Variants in UPK1A observed in about 807,000 individuals in gnomAD.
UPK1A encodes uroplakin-1a.
In UPK1A, 31 loss-of-function variants were observed where a neutral mutation model predicts 32.3. The observed-to-expected ratio is 0.96, with a 90% CI of 0.72 to 1.30. UPK1A has a LOEUF of 1.30. Among genes scored for constraint, UPK1A ranks in the 50% most tolerant of loss-of-function variants. The pLI, the probability that UPK1A is intolerant of heterozygous loss-of-function variation, is 0.00. For synonymous variants in UPK1A, 135 were observed against 137.1 expected, an observed-to-expected ratio of 0.98 and a Z score of 0.11; for missense variants, 340 against 357.4, an observed-to-expected ratio of 0.95 and a Z score of 0.39.
intron 2 of UPK1A, chr19:35,668,170 A>G: frequency 2.0e-6 from 1 of 502,404 alleles, no homozygotes; most frequent in Non-Finnish European, 3.6e-6. Flanking sequence ...TGGACCAAGC[A>G]TCTCCTCTGT....
intron 5 of UPK1A, among the ~76,000 whole-genome samples, chr19:35,674,607 G>A (rs951552099): frequency 6.6e-6 from 1 of 151,952 alleles, no homozygotes; most frequent in Non-Finnish European, 1.5e-5. Context: ...TTTTAGTGAT[G>A]AGGAGACCAA....
intron 5 of UPK1A, among the ~76,000 whole-genome samples, chr19:35,675,437 A>T (rs979736226): frequency 6.6e-6 from 1 of 151,604 alleles, no homozygotes; most frequent in Non-Finnish European, 1.5e-5. Context: ...GCCCACCACC[A>T]CACCCGGCAA....
exon 6 of UPK1A, chr19:35,675,943 G>C (rs774118061): frequency 3.1e-6 from 5 of 1,613,960 alleles, no homozygotes; most frequent in Non-Finnish European, 3.4e-6. Flanking sequence ...CCACTGTGCT[G>C]TCGCCGGACG....
At chr19:35,678,048 C>T (rs200728068) in exon 8 of UPK1A, 15 of 1,548,054 alleles carry the variant, frequency 9.7e-6, no homozygotes, top group African/African-American at 2.7e-5. Flanking sequence ...AACATACACA[C>T]CCCGGACTCC....
At chr19:35,670,059 G>A (rs1034653717) in intron 3 of UPK1A, among the ~76,000 whole-genome samples, 6 of 152,222 alleles carry the variant, frequency 3.9e-5, no homozygotes, top group African/African-American at 1.2e-4. Flanking sequence ...CGAGGAGGGC[G>A]AGGGAAGACC....
At chr19:35,667,304 GTTTTTTGTTT>G (rs985915416) in intron 2 of UPK1A, among the ~76,000 whole-genome samples, 28 of 136,304 alleles carry the variant, frequency 2.1e-4, no homozygotes, top group Middle Eastern at 3.7e-3. Flanking sequence ...TTGGTTTTGT[GTTTTTTGTTT>G]TGTTTTGTTT....
intron 5 of UPK1A, among the ~76,000 whole-genome samples, chr19:35,674,592 C>T (rs865963572): frequency 1.3e-5 from 2 of 151,950 alleles, no homozygotes; most frequent in Non-Finnish European, 2.9e-5. Context: ...TAAGGGAGAT[C>T]GGCCTTTTAG....
intron 6 of UPK1A, chr19:35,676,440 T>A: frequency 3.4e-6 from 1 of 292,438 alleles, no homozygotes; most frequent in South Asian, 2.7e-5. Context: ...TCCACCCACC[T>A]CAGCCTCCCA....
At chr19:35,667,119 C>T (rs111334074) in intron 2 of UPK1A, among the ~76,000 whole-genome samples, 2,411 of 152,244 alleles carry the variant, frequency 0.016, 76 homozygotes, top group African/African-American at 0.054. Flanking sequence ...ACTGTGTCCT[C>T]ATTGTGTGGG....
At chr19:35,671,905 T>C (rs1166565130) in intron 3 of UPK1A, among the ~76,000 whole-genome samples, 1 of 152,162 alleles carries the variant, frequency 6.6e-6, no homozygotes, top group African/African-American at 2.4e-5. Context: ...TACTTTTTCT[T>C]CTGGGTATTT....
intron 2 of UPK1A, 56 bp downstream of exon 2, chr19:35,666,952 T>G: frequency 3.2e-6 from 5 of 1,556,754 alleles, no homozygotes; most frequent in Non-Finnish European, 4.4e-6. Flanking sequence ...GAGGGGACAG[T>G]CCTGAGCTCG....
rs774446716 is a variant in UPK1A, at chr19:35,668,428, C to T, written c.85-26C>T. ...GCCAGGGCTGCTGGCCCCGAGCAGA[C>T]CTTCCTAACCCACCGCTCTGTCCAG... is the stretch of plus-strand genomic sequence containing the variant. On this transcript the variant is annotated intron_variant, in intron 2 of 7. Transcript: ENST00000617999. The T allele has an allele frequency of 6.8e-6, 11 of 1,613,574 alleles. No individual in the cohort carries two copies. In the East Asian group the frequency reaches 2.2e-4, roughly 33 times the overall value.
At chr19:35,668,826 A>G in intron 3 of UPK1A, 172 bp downstream of exon 3, 1 of 707,470 alleles carries the variant, frequency 1.4e-6, no homozygotes, top group South Asian at 2.1e-5. Flanking sequence ...CCCAGGCTTG[A>G]GTAGCAGAGC....
intron 6 of UPK1A, among the ~76,000 whole-genome samples, 177 bp from the exon 7 acceptor site, chr19:35,677,635 C>A (rs1402988853): frequency 6.6e-6 from 1 of 152,166 alleles, no homozygotes; most frequent in East Asian, 1.9e-4. Flanking sequence ...TCAACATCAG[C>A]TCCCTGGGGC....
chr19:35,674,856 A>G (rs1376716631), intron 5 of UPK1A, among the ~76,000 whole-genome samples: 1 of 152,052 alleles, frequency 6.6e-6, no homozygotes, highest in Non-Finnish European at 1.5e-5. Flanking sequence ...ATCCTGGCCA[A>G]CATGGTGAAA....
intron 6 of UPK1A, 176 bp downstream of exon 6, chr19:35,676,195 C>CA (rs1968179845): frequency 1.7e-6 from 1 of 589,692 alleles, no homozygotes; most frequent in Non-Finnish European, 2.6e-6. Flanking sequence ...TTCTTTCTTT[C>CA]TTTTTTTTTT....
chr19:35,673,984 A>C (rs1968143685), intron 5 of UPK1A, among the ~76,000 whole-genome samples: 2 of 151,420 alleles, frequency 1.3e-5, no homozygotes, highest in Admixed American at 6.6e-5. Flanking sequence ...TGCAACCTCC[A>C]ACTCCTGGGC....
chr19:35,678,270 C>T (rs998575499), exon 8 of UPK1A: 1 of 412,780 alleles, frequency 2.4e-6, no homozygotes. Flanking sequence ...ATCCCACCTC[C>T]CATTCACAGA....
chr19:35,668,599 T>C (rs761982605), exon 3 of UPK1A: 13 of 1,613,958 alleles, frequency 8.1e-6, no homozygotes, highest in Non-Finnish European at 1.1e-5. Context: ...TTCTTCATGG[T>C]AGCCAGTTTT....
Sources: gnomAD v4.1 joint callset for allele counts (sites outside exome capture counted in the v4.1 genomes callset) on GRCh38, gnomAD v4.1.1 for gene constraint, MANE v1.5 for transcripts, NCBI Gene and HGNC (gene_info 2026-07-23, HGNC 2026-07-21) for gene names.